The following FBXL2 variants were observed in gnomAD, a reference collection of about 807,000 sequenced individuals.
FBXL2 encodes the protein F-box and leucine rich repeat protein 2, also known as F-box/LRR-repeat protein 2.
In FBXL2, 38 loss-of-function variants were observed where a neutral mutation model predicts 69.2. The observed-to-expected ratio is 0.55, with a 90% CI of 0.42 to 0.72. The LOEUF (loss-of-function observed/expected upper bound fraction) is 0.72. Ranked by LOEUF, FBXL2 falls within the 30% of genes least tolerant of loss-of-function variation. FBXL2 has a pLI of 0.00. For missense variants in FBXL2, 354 were observed against 520.3 expected, an observed-to-expected ratio of 0.68 and a Z score of 3.11; for synonymous variants, 192 against 201.3, an observed-to-expected ratio of 0.95 and a Z score of 0.39.
At chr3:33,414,230 G>A in the FBXL2 span, 15 of 150,872 alleles carry the variant, frequency 9.9e-5, no homozygotes, top group African/African-American at 3.7e-4. Flanking sequence ...AGAACGGAAA[G>A]GAAAAAAGAA....
chr3:33,382,447 CCT>C (rs746306641), intron 13 of FBXL2: 1 of 152,136 alleles, frequency 6.6e-6, no homozygotes, highest in Non-Finnish European at 1.5e-5. Context: ...ATTAGTTTTG[CCT>C]CTTTGTATTT....
rs1223659008 is a variant in FBXL2 at position 33,403,572 on chromosome 3, GTCTGTCTGTCTGTCTA to G, written n.1557_1572del. 32 of 140,840 alleles carry G rather than the reference GTCTGTCTGTCTGTCTA, an allele frequency of 2.3e-4. 1 individual carries two copies. The highest frequency in any genetic ancestry group is 7.7e-4 in the African/African-American group (29 of 37,676). The allele number at this position is 140,840 out of a possible 1,614,324, so 8.7% of individuals were successfully genotyped here. On this transcript the variant is annotated non_coding_transcript_exon_variant, in exon 13 of 13. Coordinates refer to the FBXL2 transcript ENST00000463736. ...TGTCTGTCTGTCTGTCTGTCTGTCT[GTCTGTCTGTCTGTCTA>G]TCTATCTATCTATCTTTCCTTCTTT... is the stretch of plus-strand genomic sequence containing the variant.
chr3:33,321,925 G>A (rs1367186043), intron 2 of FBXL2, among the ~76,000 whole-genome samples: 1 of 152,128 alleles, frequency 6.6e-6, no homozygotes, highest in Non-Finnish European at 1.5e-5. Flanking sequence ...TTGCTGGTGG[G>A]AAGGTGGTCA....
In FBXL2 at chr3:33,378,672, T is replaced by A; in HGVS notation, c.895-13T>A. 6.2e-7 allele frequency: 1 copy of A among 1,611,148 alleles called. No homozygotes were observed. Among genetic ancestry groups the A allele is most frequent in the Non-Finnish European group, 8.5e-7 (1 of 1,179,004 alleles). ...GTGTAGAAGCCACACTGACACAGCA[T>A]GTTTCTCTCCAGATAACCGACAGCA... On this transcript the variant is annotated splice_polypyrimidine_tract_variant and intron_variant, in intron 12 of 14. Coordinates refer to ENST00000484457, the MANE Select transcript of FBXL2 (RefSeq NM_012157.5).
chr3:33,383,194 C>G (rs932249509), intron 13 of FBXL2: 1 of 152,192 alleles, frequency 6.6e-6, no homozygotes, highest in African/African-American at 2.4e-5. Context: ...TCATTGCACA[C>G]GTGGGGGCTG....
Position 33,383,973 on chromosome 3 carries a change from T to C in FBXL2, c.952-16T>C, listed in dbSNP as rs1232660121. 1.2e-6 allele frequency: 2 copies of C among 1,612,772 alleles called. No individual in the cohort carries two copies. The highest frequency in any genetic ancestry group is 1.3e-5 in the African/African-American group (1 of 74,916). On this transcript the variant is annotated splice_polypyrimidine_tract_variant and intron_variant, in intron 13 of 14. Transcript: ENST00000484457. ...TAAGGGTCCTGCAAACATTTACTCATGTCTTCCTGTTCCAGAGCCTGTCCC... is the reference window on the plus strand; with the variant it reads ...TAAGGGTCCTGCAAACATTTACTCACGTCTTCCTGTTCCAGAGCCTGTCCC...
chr3:33,396,387 T>G (rs1448442884), intron 12 of FBXL2: 2 of 815,334 alleles, frequency 2.5e-6, no homozygotes, highest in Non-Finnish European at 3.8e-6. Flanking sequence ...ATGAGAACTT[T>G]ATAATGTTAT....
At chr3:33,346,624 T>G (rs748491439) in intron 2 of FBXL2, among the ~76,000 whole-genome samples, 2 of 149,190 alleles carry the variant, frequency 1.3e-5, no homozygotes, top group Admixed American at 6.8e-5. Flanking sequence ...ATTAAGGAAA[T>G]TAATAACAAT....
At chr3:33,383,270 T>G (rs1299212452) in intron 13 of FBXL2, 1 of 152,576 alleles carries the variant, frequency 6.6e-6, no homozygotes, top group Non-Finnish European at 1.5e-5. Flanking sequence ...ACAGTACTTT[T>G]GCCTCTCTAG....
At chr3:33,359,165 T>G (rs1227589302) in intron 3 of FBXL2, 118 bp from the exon 4 acceptor site, 1 of 969,524 alleles carries the variant, frequency 1.0e-6, no homozygotes, top group Admixed American at 2.7e-5. Context: ...GATGATTAAC[T>G]TAATATACAT....
At chr3:33,409,990 G>C in the FBXL2 span, among the ~76,000 whole-genome samples, 1 of 152,172 alleles carries the variant, frequency 6.6e-6, no homozygotes, top group Non-Finnish European at 1.5e-5. Context: ...TCATTGTTTA[G>C]AGCTTCTGTT....
At chr3:33,389,246 T>C (rs886479326), downstream of FBXL2, 42 of 152,638 alleles carry the variant, frequency 2.8e-4, no homozygotes, top group Admixed American at 2.5e-3. Context: ...CTATCCATGA[T>C]TGTACTAAAG....
At position 33,278,722 on chromosome 3, in the gene FBXL2, G is replaced by C. The variant is rs190267031; in HGVS notation, c.3+1207G>C. 2.6e-5 allele frequency among the ~76,000 whole-genome samples: 4 copies of C among 152,360 alleles called. No individual in the cohort carries two copies. The East Asian group carries it at 7.7e-4, about 29-fold the overall frequency. ...CATCACCCATAAATCACAGTACCAT[G>C]TAATGCCTTTATTTTGTGTATGTTT... On this transcript the variant is annotated intron_variant, in intron 1 of 14. Transcript: ENST00000484457.
intron 2 of FBXL2, among the ~76,000 whole-genome samples, chr3:33,299,719 A>G (rs2125722578): frequency 6.6e-6 from 1 of 152,350 alleles, no homozygotes. Flanking sequence ...GTTGATTAAA[A>G]AAACTGAGAC....
intron 1 of FBXL2, among the ~76,000 whole-genome samples, chr3:33,280,621 A>T (rs2033870115): frequency 6.7e-6 from 1 of 150,164 alleles, no homozygotes; most frequent in African/African-American, 2.4e-5. Context: ...AGGCGGAAGG[A>T]TCGATCCCTT....
At chr3:33,402,840 A>G (rs772251402) in intron 12 of FBXL2, 1 of 1,608,018 alleles carries the variant, frequency 6.2e-7, no homozygotes, top group Non-Finnish European at 8.5e-7. Context: ...TGGGGAGGTG[A>G]AAGTGGGCGC....
chr3:33,318,074 C>T (rs943100395), intron 2 of FBXL2, among the ~76,000 whole-genome samples: 1 of 152,054 alleles, frequency 6.6e-6, no homozygotes, highest in Non-Finnish European at 1.5e-5. Flanking sequence ...CTAATTACCA[C>T]GCTCTAAATT....
At chr3:33,347,465 G>A (rs1392149035) in intron 2 of FBXL2, among the ~76,000 whole-genome samples, 1 of 152,198 alleles carries the variant, frequency 6.6e-6, no homozygotes, top group East Asian at 1.9e-4. Flanking sequence ...ATTGTGAACA[G>A]TGCCACAACA....
intron 5 of FBXL2, among the ~76,000 whole-genome samples, chr3:33,368,792 T>A (rs1179544103): frequency 6.6e-6 from 1 of 152,078 alleles, no homozygotes; most frequent in African/African-American, 2.4e-5. Flanking sequence ...TTCACCATGT[T>A]AGCTAGGATG....
Sources: gnomAD v4.1 joint callset for allele counts (sites outside exome capture counted in the v4.1 genomes callset) on GRCh38, gnomAD v4.1.1 for gene constraint, MANE v1.5 for transcripts, NCBI Gene and HGNC (gene_info 2026-07-23, HGNC 2026-07-21) for gene names.